The following PHC2 variants were observed in gnomAD, a reference collection of about 807,000 sequenced individuals.
PHC2 encodes the protein polyhomeotic homolog 2.
PHC2 carries 29 observed loss-of-function variants against 87.4 expected under a neutral mutation model. The observed-to-expected ratio is 0.33, with a 90% CI of 0.25 to 0.45. The LOEUF is 0.45. Among genes scored for constraint, PHC2 ranks in the 20% least tolerant of loss-of-function variants. The probability of loss-of-function intolerance (pLI) is 1.00; values close to 1 mark genes in which losing one functional copy is unlikely to be tolerated. For missense variants in PHC2, 857 were observed against 1,136.7 expected, an observed-to-expected ratio of 0.75 and a Z score of 3.54; for synonymous variants, 438 against 461.7, an observed-to-expected ratio of 0.95 and a Z score of 0.66.
chr1:33,385,658 T>A (rs1648704772), intron 1 of PHC2, among the ~76,000 whole-genome samples: 1 of 152,134 alleles, frequency 6.6e-6, no homozygotes, highest in South Asian at 2.1e-4. Context: ...TTCAATAAAC[T>A]CAAAGTTAGA....
chr1:33,400,060 G>A (rs1649458394), intron 1 of PHC2, among the ~76,000 whole-genome samples: 1 of 151,894 alleles, frequency 6.6e-6, no homozygotes, highest in African/African-American at 2.4e-5. Context: ...ACCTATAAAA[G>A]GATGTTTAAT....
At chr1:33,347,367 G>A (rs1385159947) in intron 9 of PHC2, 1 of 985,304 alleles carries the variant, frequency 1.0e-6, no homozygotes, top group Non-Finnish European at 1.2e-6. Flanking sequence ...TGATGACTGT[G>A]ACAGAAGGAA....
chr1:33,386,983 C>T (rs1381073304), intron 1 of PHC2, among the ~76,000 whole-genome samples: 1 of 152,346 alleles, frequency 6.6e-6, no homozygotes, highest in Middle Eastern at 3.4e-3. Flanking sequence ...GTATGCTGGC[C>T]ATTCTGCCGC....
rs543571887 is a variant in PHC2, at chr1:33,375,609, C to A, written c.-54-16G>T. 3 of 1,397,388 alleles carry A rather than the reference C, an allele frequency of 2.1e-6. No homozygotes were observed. In the South Asian group the frequency reaches 4.9e-5, roughly 23 times the overall value. 86.6% of individuals were successfully genotyped at this position (1,397,388 alleles called of 1,614,324 possible). A position where few individuals can be genotyped will look rare whatever the true frequency, so the allele number is the denominator to read the frequency against. The stretch of plus-strand genomic sequence containing the variant: ...CAGGCAGATGCTAGGAGGGAAGAGG[C>A]AGAAGTGAATGTTTTGACAGACGCT... On this transcript the variant is annotated splice_polypyrimidine_tract_variant and intron_variant, in intron 1 of 14. Coordinates refer to ENST00000683057, the MANE Select transcript of PHC2 (RefSeq NM_001385109.1).
Position 33,372,291 on chromosome 1 carries a change from G to A in PHC2, c.331C>T (p.Gln111Ter). The change falls in exon 3 of 15, where the codon CAG (glutamine) becomes TAG (stop). Residue 111 changes from glutamine (Q) to a stop codon, truncating the protein, a stop_gained and splice_region_variant. Transcript: ENST00000683057. LOFTEE classifies it high-confidence loss of function. The part of the protein sequence containing the change: ...AQLQSLAAVQ[Q>*]ASLVSNRQGS... ...TCAAGGTCCTTCCCAAGTCTCACCT[G>A]CTGTACGGCTGCCAGGCTCTGGAGC... 1 of 1,559,682 alleles carries A rather than the reference G, an allele frequency of 6.4e-7. No individual in the cohort carries two copies.
intron 14 of PHC2, 96 bp downstream of exon 14, chr1:33,328,774 T>G: frequency 8.0e-7 from 1 of 1,244,306 alleles, no homozygotes; most frequent in Non-Finnish European, 1.1e-6. Flanking sequence ...ACCTGAGTCA[T>G]TAACTAAACT....
intron 1 of PHC2, among the ~76,000 whole-genome samples, chr1:33,383,923 C>T (rs1219122722): frequency 2.6e-5 from 4 of 152,054 alleles, no homozygotes; most frequent in Non-Finnish European, 4.4e-5. Context: ...ATGGCCCTGC[C>T]GACACCTGGA....
intron 9 of PHC2, among the ~76,000 whole-genome samples, chr1:33,340,329 T>C (rs994577681): frequency 1.3e-5 from 2 of 152,204 alleles, no homozygotes; most frequent in Admixed American, 6.5e-5. Flanking sequence ...CCCCCAGCAC[T>C]GAAGTCACGC....
intron 9 of PHC2, among the ~76,000 whole-genome samples, chr1:33,335,842 G>GTGAGC (rs1570451758): frequency 6.6e-6 from 1 of 150,708 alleles, no homozygotes; most frequent in East Asian, 2.0e-4. Context: ...GGAGGCTGCA[G>GTGAGC]TGAGCTGAGA....
chr1:33,351,125 G>A (rs12044012), intron 9 of PHC2, among the ~76,000 whole-genome samples: 41,846 of 152,134 alleles, frequency 0.28, 6,573 homozygotes, highest in Admixed American at 0.43. Context: ...TAGGTCACAC[G>A]GTCTGTGGCA....
At chr1:33,376,512 T>C (rs994386737) in intron 1 of PHC2, among the ~76,000 whole-genome samples, 5 of 152,234 alleles carry the variant, frequency 3.3e-5, no homozygotes, top group Admixed American at 6.5e-5. Flanking sequence ...TCCCTAGCAG[T>C]GATCTCATGG....
chr1:33,368,558 G>C lies in PHC2; in HGVS notation c.641C>G (p.Ala214Gly), dbSNP rs1273019893. 6.5e-7 allele frequency: 1 copy of C among 1,544,920 alleles called. No homozygotes were observed. The highest frequency in any genetic ancestry group is 2.0e-5 in the Admixed American group (1 of 50,850). ...VQPELGTGSP[A>G]RPPTPAQVQN... ...CACCTGGGCGGGGGTGGGGGGCCGG[G>C]CGGGGGAGCCAGTGCCGAGCTCAGG... The change falls in exon 6 of 15, where the codon GCC (alanine) becomes GGC (glycine). Residue 214 changes from alanine to glycine, a missense_variant. Physicochemically the swap from Ala to Gly is moderately conservative, Grantham distance 60. This residue lies in a region of PHC2 where 832 missense variants were observed against 1,081.8 expected (regional missense o/e 0.77). Coordinates refer to ENST00000683057, the MANE Select transcript of PHC2 (RefSeq NM_001385109.1). The surrounding 1 kb of genome is among the most constrained non-coding windows in gnomAD (Gnocchi z 6.6).
chr1:33,346,529 C>G, intron 9 of PHC2: 1 of 985,274 alleles, frequency 1.0e-6, no homozygotes, highest in Non-Finnish European at 1.2e-6. Context: ...AAATATTGAA[C>G]AGCTGGGAGA....
Position 33,324,232 on chromosome 1 carries a change from A to G in PHC2, c.*633T>C, listed in dbSNP as rs1289977932. The stretch of plus-strand genomic sequence containing the variant: ...TACAAAACACCTGGAGATGCCAGAG[A>G]GTAGCCCTTGGCCTATCTGTCAGTC... On this transcript the variant is annotated 3_prime_UTR_variant, in exon 15 of 15. Transcript: ENST00000683057. The G allele has an allele frequency of 6.5e-6, 1 of 152,804 alleles. No individual in the cohort carries two copies. The highest frequency in any genetic ancestry group is 2.4e-5 in the African/African-American group (1 of 41,446). The allele number at this position is 152,804 out of a possible 1,614,324, so 9.5% of individuals were successfully genotyped here.
At chr1:33,355,591 A>G (rs989229510) in intron 7 of PHC2, among the ~76,000 whole-genome samples, 4 of 152,312 alleles carry the variant, frequency 2.6e-5, no homozygotes, top group African/African-American at 9.6e-5. Flanking sequence ...TCTAAGTGTG[A>G]CATGCTCTCG....
At position 33,349,981 on chromosome 1, in the gene PHC2, A is replaced by T; in HGVS notation, c.1558+4420T>A. ...GGGCGGGGAGGGGCGGGGCCGCGGGAGGGGCGGGGCGGACACGGGCCGCGC... is the reference window on the plus strand; with the variant it reads ...GGGCGGGGAGGGGCGGGGCCGCGGGTGGGGCGGGGCGGACACGGGCCGCGC... On this transcript the variant is annotated intron_variant, in intron 9 of 14. Transcript: ENST00000683057. This position sits in a 1 kb window ranked among gnomAD's most constrained non-coding sequence, Gnocchi z 4.2. The T allele has an allele frequency of 1.3e-5, 3 of 235,590 alleles. No individual in the cohort carries two copies. Among genetic ancestry groups the T allele is most frequent in the Non-Finnish European group, 2.0e-5 (3 of 149,506 alleles). 14.6% of individuals were successfully genotyped at this position (235,590 alleles called of 1,614,324 possible).
chr1:33,379,807 T>C (rs1648403355), intron 1 of PHC2, among the ~76,000 whole-genome samples: 1 of 151,066 alleles, frequency 6.6e-6, no homozygotes, highest in African/African-American at 2.4e-5. Context: ...TAATGAGCTC[T>C]CTCCCCTACT....
Position 33,382,098 on chromosome 1 carries a change from C to G in PHC2, c.-54-6505G>C, listed in dbSNP as rs1041145107. The stretch of plus-strand genomic sequence containing the variant: ...CCATATGTCACTTTATTGTTGGTCT[C>G]CTAGTAGAAGGGAACTTGAGTTGGA... On this transcript the variant is annotated intron_variant, in intron 1 of 14. Transcript: ENST00000683057. The surrounding 1 kb of genome is among the most constrained non-coding windows in gnomAD (Gnocchi z 4.3). Among the ~76,000 whole-genome samples the G allele has an allele frequency of 9.2e-5, 14 of 152,220 alleles. No individual in the cohort carries two copies. Among genetic ancestry groups the G allele is most frequent in the African/African-American group, 3.4e-4 (14 of 41,526 alleles).
chr1:33,414,973 G>T (rs1279411770), intron 1 of PHC2, among the ~76,000 whole-genome samples: 1 of 152,134 alleles, frequency 6.6e-6, no homozygotes, highest in Non-Finnish European at 1.5e-5. Flanking sequence ...AATATAGAAA[G>T]AAATGGTTTT....
Sources: gnomAD v4.1 joint callset for allele counts (sites outside exome capture counted in the v4.1 genomes callset) on GRCh38, gnomAD v4.1.1 for gene constraint, gnomAD v4.1.1 regional missense constraint, Gnocchi (gnomAD v3.1) non-coding constraint, MANE v1.5 for transcripts, NCBI Gene and HGNC (gene_info 2026-07-23, HGNC 2026-07-21) for gene names.